Variants in FADS2 observed in about 807,000 individuals in gnomAD.
The protein encoded by FADS2 is fatty acid desaturase 2.
In FADS2, 18 loss-of-function variants were observed where a neutral mutation model predicts 61.2. The observed-to-expected ratio is 0.29, with a 90% CI of 0.20 to 0.44. FADS2 has a LOEUF of 0.44. Ranked by LOEUF, FADS2 falls within the 20% of genes least tolerant of loss-of-function variation. The pLI is 1.00. For missense variants in FADS2, 322 were observed against 572.7 expected (o/e 0.56, Z 4.47); for synonymous variants, 203 against 223.9 (o/e 0.91, Z 0.83).
chr11:61,849,138 GC>G (rs1206395520), intron 5 of FADS2, among the ~76,000 whole-genome samples: 1 of 152,184 alleles, frequency 6.6e-6, no homozygotes, highest in Admixed American at 6.5e-5. Context: ...CTCATGATCT[GC>G]CTGCCTCGGC....
Position 61,816,982 on chromosome 11 carries a change from G to C in FADS2, c.141+556G>C. 2 of 1,351,514 alleles carry C rather than the reference G, an allele frequency of 1.5e-6. No homozygotes were observed. The highest frequency in any genetic ancestry group is 1.9e-6 in the Non-Finnish European group (2 of 1,058,484). 83.7% of individuals were successfully genotyped at this position (1,351,514 alleles called of 1,614,324 possible). ...AGATCCCGTCCCCCGGTGGGTCTTG[G>C]GCAACTCACAGCTGGGCTGCCAACA... On this transcript the variant is annotated intron_variant, in intron 1 of 11. Coordinates refer to the FADS2 transcript ENST00000257261. The surrounding 1 kb of genome is among the most constrained non-coding windows in gnomAD (Gnocchi z 7.0).
In FADS2 at chr11:61,851,058, A is replaced by G. The variant is rs528675848; in HGVS notation, c.744+2774A>G. Among the ~76,000 whole-genome samples the G allele has an allele frequency of 4.6e-5, 7 of 152,308 alleles. No individual in the cohort carries two copies. The East Asian group carries it at 1.4e-3, about 29-fold the overall frequency. ...GCCTCTCTAAGCTGCCAGGGATTCC[A>G]TTTTCTGCCAAAGTACAGGCTATTG... On this transcript the variant is annotated intron_variant, in intron 5 of 11. Coordinates refer to ENST00000278840, the MANE Select transcript of FADS2 (RefSeq NM_004265.4).
intron 2 of FADS2, 60 bp from the exon 3 acceptor site, chr11:61,840,274 C>T (rs367628315): frequency 7.2e-7 from 1 of 1,393,246 alleles, no homozygotes; most frequent in African/African-American, 1.4e-5. Flanking sequence ...CAGCTCGAGA[C>T]ATATGTTCCC....
chr11:61,833,378 G>A (rs1441781221), intron 1 of FADS2, among the ~76,000 whole-genome samples: 1 of 152,226 alleles, frequency 6.6e-6, no homozygotes, highest in Non-Finnish European at 1.5e-5. Context: ...AACCCGGCAG[G>A]TGCTGGAAAC....
intron 4 of FADS2, chr11:61,847,308 G>A (rs979048760): frequency 1.3e-5 from 2 of 152,062 alleles, no homozygotes; most frequent in African/African-American, 4.8e-5. Context: ...CATCATAGTC[G>A]ATTTTAGAGC....
At chr11:61,836,321 C>T (rs561032111) in intron 1 of FADS2, among the ~76,000 whole-genome samples, 1 of 152,292 alleles carries the variant, frequency 6.6e-6, no homozygotes, top group African/African-American at 2.4e-5. Context: ...CGATCTCAAA[C>T]TCCTAACTTC....
At chr11:61,829,055 C>A (rs779826567) in intron 1 of FADS2, 20 of 157,178 alleles carry the variant, frequency 1.3e-4, no homozygotes, top group Non-Finnish European at 2.7e-4. Flanking sequence ...CACTCTCCAT[C>A]CAGACTGGGT....
At chr11:61,842,365 T>C (rs2067224094) in intron 4 of FADS2, among the ~76,000 whole-genome samples, 1 of 152,248 alleles carries the variant, frequency 6.6e-6, no homozygotes, top group Non-Finnish European at 1.5e-5. Context: ...TTTTATACTC[T>C]TCTCTGTTGG....
At position 61,865,866 on chromosome 11, in the gene FADS2, C is replaced by G. The variant is rs1770461801; in HGVS notation, c.*177C>G. On this transcript the variant is annotated 3_prime_UTR_variant, in exon 12 of 12. Coordinates refer to ENST00000278840, the MANE Select transcript of FADS2 (RefSeq NM_004265.4). The surrounding 1 kb of genome is among the most constrained non-coding windows in gnomAD (Gnocchi z 4.1). ...TTTTCTCTTCACATCTCCCCCATAG[C>G]ACCCTGCCCTCATGGGACCTGCCCT... 1 of 607,404 alleles carries G rather than the reference C, an allele frequency of 1.6e-6. No homozygotes were observed. Among genetic ancestry groups the G allele is most frequent in the East Asian group, 2.8e-5 (1 of 36,036 alleles). 37.6% of individuals were successfully genotyped at this position (607,404 alleles called of 1,614,324 possible).
At chr11:61,852,909 C>T (rs2067319708) in intron 5 of FADS2, among the ~76,000 whole-genome samples, 1 of 152,140 alleles carries the variant, frequency 6.6e-6, no homozygotes, top group African/African-American at 2.4e-5. Context: ...AATCCCAGCA[C>T]TTTGGGAGGC....
rs1019708501 is a variant in FADS2 at position 61,816,778 on chromosome 11, C to A, written c.141+352C>A. On this transcript the variant is annotated intron_variant, in intron 1 of 11. Transcript: ENST00000257261. This position sits in a 1 kb window ranked among gnomAD's most constrained non-coding sequence, Gnocchi z 7.0. ...GGCCATAGCTGGCCTGGCGACGCCG[C>A]GCGCCGGGCCAGCAGGGGCTGTCAG... The A allele has an allele frequency of 2.0e-6, 3 of 1,519,906 alleles. No individual in the cohort carries two copies. Among genetic ancestry groups the A allele is most frequent in the South Asian group, 1.2e-5 (1 of 81,724 alleles). The allele number at this position is 1,519,906 out of a possible 1,614,324, so 94.2% of individuals were successfully genotyped here.
chr11:61,828,093 C>T, upstream of FADS2: 7 of 1,288,380 alleles, frequency 5.4e-6, no homozygotes, highest in Non-Finnish European at 5.9e-6. The surrounding 1 kb of genome is among the most constrained non-coding windows in gnomAD (Gnocchi z 6.4). Flanking sequence ...CCCTGAGCTC[C>T]CGGGGAGTTT....
chr11:61,848,400 T>A (rs2067278992), intron 5 of FADS2, 116 bp downstream of exon 5: 4 of 1,527,760 alleles, frequency 2.6e-6, no homozygotes, highest in Non-Finnish European at 3.6e-6. Context: ...CCTGGGCGAA[T>A]GGCAGCCATC....
At chr11:61,845,406 C>T (rs1018316221) in intron 4 of FADS2, among the ~76,000 whole-genome samples, 4 of 152,206 alleles carry the variant, frequency 2.6e-5, no homozygotes, top group Non-Finnish European at 1.5e-5. Flanking sequence ...TCTGGGAACA[C>T]GGAGCTGGCC....
At chr11:61,862,907 G>A (rs961559612) in intron 7 of FADS2, 65 bp from the exon 8 acceptor site, 3 of 1,287,472 alleles carry the variant, frequency 2.3e-6, no homozygotes, top group East Asian at 2.3e-5. Context: ...GCACATCTGG[G>A]GCACGCACTT....
Position 61,863,667 on chromosome 11 carries a change from C to A in FADS2, c.1078-40C>A, listed in dbSNP as rs749286490. The A allele has an allele frequency of 1.3e-5, 21 of 1,568,402 alleles. No individual in the cohort carries two copies. The Admixed American group carries it at 2.8e-4, about 21-fold the overall frequency. ...CTGGGAATGAGGCCGGGCCCTTGGGCCTTCCTTTGTTCCCTGACACTCATC... is the reference window on the plus strand; with the variant it reads ...CTGGGAATGAGGCCGGGCCCTTGGGACTTCCTTTGTTCCCTGACACTCATC... On this transcript the variant is annotated intron_variant, in intron 9 of 11. Transcript: ENST00000278840.
chr11:61,818,197 G>A (rs761962638), intron 1 of FADS2, among the ~76,000 whole-genome samples: 16 of 152,152 alleles, frequency 1.1e-4, no homozygotes, highest in Middle Eastern at 3.2e-3. Context: ...TGGTAGAAAA[G>A]GATTAATTCA....
At chr11:61,834,408 G>A in intron 1 of FADS2, among the ~76,000 whole-genome samples, 1 of 152,244 alleles carries the variant, frequency 6.6e-6, no homozygotes, top group East Asian at 1.9e-4. Flanking sequence ...CACCTCAGAA[G>A]TTGGGGCTTG....
chr11:61,824,396 G>A (rs867369823), upstream of FADS2, among the ~76,000 whole-genome samples: 477 of 3,172 alleles, frequency 0.15, 7 homozygotes, highest in South Asian at 0.21. Flanking sequence ...GAAAAAAAAA[G>A]AGAGAGAGAG....
Sources: allele counts gnomAD v4.1 joint callset (sites outside exome capture counted in the v4.1 genomes callset), GRCh38; gene constraint gnomAD v4.1.1; non-coding constraint Gnocchi (gnomAD v3.1); transcripts MANE v1.5; gene names NCBI Gene and HGNC (gene_info 2026-07-23, HGNC 2026-07-21).